The following ITFG1 variants were observed in gnomAD, a reference collection of about 807,000 sequenced individuals.
ITFG1 encodes integrin alpha FG-GAP repeat containing 1, also known as T-cell immunomodulatory protein.
A neutral mutation model predicts 81.8 loss-of-function variants in ITFG1; 34 were observed. The observed-to-expected ratio is 0.42, with a 90% CI of 0.32 to 0.55. The LOEUF (loss-of-function observed/expected upper bound fraction) is 0.55. Among genes scored for constraint, ITFG1 ranks in the 20% least tolerant of loss-of-function variants. The pLI is 0.17. For missense variants in ITFG1, 672 were observed against 755.4 expected (o/e 0.89, Z 1.29); for synonymous variants, 285 against 270.6 (o/e 1.05, Z -0.52).
chr16:47,376,964 CAAAAAAAAAAAAAA>C (rs1222007051), intron 6 of ITFG1, among the ~76,000 whole-genome samples: 1 of 18,076 alleles, frequency 5.5e-5, no homozygotes, highest in Non-Finnish European at 1.4e-4. Context: ...TCTGTCTCCC[CAAAAAAAAAAAAAA>C]AAAAAAAAAA....
chr16:47,284,302 A>G (rs956896979), intron 10 of ITFG1, among the ~76,000 whole-genome samples: 8 of 152,238 alleles, frequency 5.3e-5, no homozygotes, highest in Non-Finnish European at 1.0e-4. Context: ...AGCAGAATAA[A>G]AGTACACAAA....
chr16:47,283,153 C>A (rs1467590337), intron 10 of ITFG1, among the ~76,000 whole-genome samples: 2 of 151,944 alleles, frequency 1.3e-5, no homozygotes, highest in Non-Finnish European at 2.9e-5. Context: ...CATAAAGTCT[C>A]CCTAGGCCAA....
At chr16:47,360,985 T>C (rs1361938638) in intron 8 of ITFG1, among the ~76,000 whole-genome samples, 1 of 152,202 alleles carries the variant, frequency 6.6e-6, no homozygotes, top group Non-Finnish European at 1.5e-5. Flanking sequence ...ACTCATTGAA[T>C]CATATTTGGG....
chr16:47,314,519 A>G (rs894870918), intron 8 of ITFG1, among the ~76,000 whole-genome samples: 3 of 152,212 alleles, frequency 2.0e-5, no homozygotes, highest in African/African-American at 7.2e-5. Flanking sequence ...TATCCTTTCC[A>G]AGTGACTGTT....
intron 6 of ITFG1, among the ~76,000 whole-genome samples, chr16:47,393,729 TA>T (rs532540888): frequency 1.0e-3 from 141 of 140,660 alleles, no homozygotes; most frequent in Middle Eastern, 3.5e-3. Flanking sequence ...AAACTCTGTC[TA>T]AAAAAAAAAA....
At chr16:47,350,497 TC>T (rs200975125) in intron 8 of ITFG1, among the ~76,000 whole-genome samples, 2,530 of 152,282 alleles carry the variant, frequency 0.017, 70 homozygotes, top group African/African-American at 0.058. Flanking sequence ...ACATACGTCC[TC>T]CCAAGACTAA....
intron 14 of ITFG1, among the ~76,000 whole-genome samples, chr16:47,186,048 A>T (rs1315907745): frequency 6.6e-6 from 1 of 152,216 alleles, no homozygotes; most frequent in Admixed American, 6.5e-5. Flanking sequence ...CACCCTCCCA[A>T]GACTAAACCA....
chr16:47,403,228 C>CTT (rs77676044), intron 6 of ITFG1, among the ~76,000 whole-genome samples: 3 of 139,248 alleles, frequency 2.2e-5, no homozygotes, highest in African/African-American at 5.3e-5. Flanking sequence ...GGTTACCTAC[C>CTT]TTTTTTTTTT....
At chr16:47,328,960 C>A (rs539934925) in intron 8 of ITFG1, among the ~76,000 whole-genome samples, 72 of 152,208 alleles carry the variant, frequency 4.7e-4, no homozygotes, top group African/African-American at 1.6e-3. Flanking sequence ...CTAGTCTCTT[C>A]GTCAGTACGA....
chr16:47,369,417 G>A (rs1968220328), intron 7 of ITFG1, among the ~76,000 whole-genome samples: 1 of 152,174 alleles, frequency 6.6e-6, no homozygotes, highest in Non-Finnish European at 1.5e-5. Context: ...GCAGGGTTCT[G>A]GAGAGGTCAA....
chr16:47,441,128 G>C (rs1353792827), intron 5 of ITFG1, among the ~76,000 whole-genome samples: 1 of 152,136 alleles, frequency 6.6e-6, no homozygotes, highest in Non-Finnish European at 1.5e-5. Context: ...GACTAAACCA[G>C]GAAGAAGTTG....
At chr16:47,326,619 A>G (rs1663783982) in intron 8 of ITFG1, among the ~76,000 whole-genome samples, 1 of 152,246 alleles carries the variant, frequency 6.6e-6, no homozygotes, top group Non-Finnish European at 1.5e-5. Flanking sequence ...AAGCAACTTC[A>G]GCAAAGTCTC....
At chr16:47,231,713 A>T (rs1965818297) in intron 13 of ITFG1, among the ~76,000 whole-genome samples, 1 of 152,190 alleles carries the variant, frequency 6.6e-6, no homozygotes, top group African/African-American at 2.4e-5. Context: ...TTGAGTGTTT[A>T]TTGTGTATTA....
At chr16:47,263,104 A>G (rs1225753302) in intron 10 of ITFG1, 1 of 245,486 alleles carries the variant, frequency 4.1e-6, no homozygotes, top group Admixed American at 4.0e-5. Context: ...GCATCCCTGT[A>G]ACAGCTGCCT....
intron 8 of ITFG1, among the ~76,000 whole-genome samples, chr16:47,351,550 T>G (rs978861122): frequency 3.3e-5 from 5 of 151,912 alleles, no homozygotes; most frequent in African/African-American, 1.2e-4. Flanking sequence ...CACTGCTCAA[T>G]GAAATAAAAG....
intron 14 of ITFG1, among the ~76,000 whole-genome samples, chr16:47,163,333 T>C (rs1057351041): frequency 3.3e-5 from 5 of 152,216 alleles, no homozygotes; most frequent in Non-Finnish European, 7.3e-5. Context: ...TAATCACTAA[T>C]CTGCTTTCTG....
chr16:47,306,650 A>AT (rs200274657), intron 10 of ITFG1, among the ~76,000 whole-genome samples: 3,072 of 148,360 alleles, frequency 0.021, 104 homozygotes, highest in African/African-American at 0.076. Flanking sequence ...AATGTAAAAA[A>AT]TTAAAAAAAA....
At chr16:47,324,346 T>C (rs980770309) in intron 8 of ITFG1, among the ~76,000 whole-genome samples, 1 of 151,598 alleles carries the variant, frequency 6.6e-6, no homozygotes, top group Non-Finnish European at 1.5e-5. Flanking sequence ...GCACTAAACA[T>C]GGAAAGGAAC....
At chr16:47,437,296 T>A (rs1969178997) in intron 5 of ITFG1, among the ~76,000 whole-genome samples, 1 of 151,998 alleles carries the variant, frequency 6.6e-6, no homozygotes, top group African/African-American at 2.4e-5. Flanking sequence ...TGAGATCCTA[T>A]CTCCAACAAC....
Sources: gnomAD v4.1 joint callset for allele counts (sites outside exome capture counted in the v4.1 genomes callset) on GRCh38, gnomAD v4.1.1 for gene constraint, MANE v1.5 for transcripts, NCBI Gene and HGNC (gene_info 2026-07-23, HGNC 2026-07-21) for gene names.